ADAMTSL3: variants seen among roughly 807,000 people sequenced by gnomAD.
ADAMTSL3 encodes the protein ADAMTS like 3.
Under a neutral mutation model 201.7 loss-of-function variants are expected in ADAMTSL3, and 128 were observed. The observed-to-expected ratio is 0.63, with a 90% CI of 0.55 to 0.73. ADAMTSL3 has a LOEUF of 0.73. ADAMTSL3 is among the 30% of genes least tolerant of loss of function. The probability of loss-of-function intolerance (pLI) is 0.00; values close to 1 mark genes in which losing one functional copy is unlikely to be tolerated. For synonymous variants in ADAMTSL3, 738 were observed against 748.4 expected (o/e 0.99, Z 0.23); for missense variants, 1,990 against 2,119.6 (o/e 0.94, Z 1.20).
intron 26 of ADAMTSL3, among the ~76,000 whole-genome samples, chr15:84,023,680 TC>T (rs1246266283): frequency 6.6e-6 from 1 of 152,220 alleles, no homozygotes; most frequent in African/African-American, 2.4e-5. Flanking sequence ...CATTGGGAAA[TC>T]TGTCAGCAGT....
chr15:83,957,693 A>G (rs1294311788), intron 19 of ADAMTSL3, among the ~76,000 whole-genome samples: 4 of 152,192 alleles, frequency 2.6e-5, no homozygotes. Context: ...GCATATTCAG[A>G]AAGTGACTTG....
chr15:83,812,023 A>G (rs2063706672), intron 5 of ADAMTSL3, among the ~76,000 whole-genome samples: 1 of 152,154 alleles, frequency 6.6e-6, no homozygotes, highest in African/African-American at 2.4e-5. Flanking sequence ...TGCACAGGAG[A>G]GATTATGCAA....
At chr15:83,664,102 G>A (rs1180782488) in intron 2 of ADAMTSL3, among the ~76,000 whole-genome samples, 1 of 152,090 alleles carries the variant, frequency 6.6e-6, no homozygotes, top group African/African-American at 2.4e-5. Context: ...TGACGATGTC[G>A]TCTCTCAAAT....
intron 2 of ADAMTSL3, among the ~76,000 whole-genome samples, chr15:83,694,998 TA>T (rs1405428982): frequency 1.3e-5 from 2 of 152,056 alleles, no homozygotes; most frequent in Non-Finnish European, 2.9e-5. Context: ...TTGCCAATGC[TA>T]ACTAGGGATG....
intron 2 of ADAMTSL3, among the ~76,000 whole-genome samples, chr15:83,691,076 G>A (rs867709572): frequency 4.6e-5 from 7 of 152,164 alleles, no homozygotes; most frequent in African/African-American, 1.4e-4. Context: ...TCTTTGAGTC[G>A]GTGAAGGGGC....
chr15:84,025,554 C>T, intron 27 of ADAMTSL3, 118 bp downstream of exon 27: 1 of 920,670 alleles, frequency 1.1e-6, no homozygotes, highest in South Asian at 1.7e-5. Flanking sequence ...TCTGACTGGT[C>T]TCTGAAATGA....
intron 2 of ADAMTSL3, among the ~76,000 whole-genome samples, chr15:83,661,135 A>G (rs2061157061): frequency 1.3e-5 from 2 of 150,438 alleles, no homozygotes; most frequent in Non-Finnish European, 3.0e-5. Context: ...TGTTCCATTG[A>G]TCTATATCTC....
chr15:83,780,335 A>G (rs2063147407), intron 4 of ADAMTSL3, among the ~76,000 whole-genome samples: 1 of 150,508 alleles, frequency 6.6e-6, no homozygotes, highest in Admixed American at 6.6e-5. Context: ...ACTTGAATCC[A>G]GGAGGCAGAG....
At chr15:83,918,011 C>A (rs1190116036) in intron 16 of ADAMTSL3, among the ~76,000 whole-genome samples, 1 of 152,092 alleles carries the variant, frequency 6.6e-6, no homozygotes, top group East Asian at 1.9e-4. Flanking sequence ...TTTTAAAAAT[C>A]TGACTAAATT....
At chr15:83,663,139 A>G (rs1157786913) in intron 2 of ADAMTSL3, among the ~76,000 whole-genome samples, 2 of 152,164 alleles carry the variant, frequency 1.3e-5, no homozygotes, top group Non-Finnish European at 2.9e-5. Context: ...CCAGACAGTG[A>G]GAAGACGGAA....
intron 4 of ADAMTSL3, among the ~76,000 whole-genome samples, chr15:83,779,621 C>T (rs1455805349): frequency 6.9e-6 from 1 of 145,646 alleles, no homozygotes; most frequent in East Asian, 2.1e-4. Context: ...TGGTGTGAAC[C>T]TGGGAGGCAG....
intron 3 of ADAMTSL3, among the ~76,000 whole-genome samples, chr15:83,759,531 A>T (rs1399778218): frequency 6.6e-6 from 1 of 152,122 alleles, no homozygotes; most frequent in Non-Finnish European, 1.5e-5. Flanking sequence ...GGCCAGCAGT[A>T]TTTTTTTAAA....
chr15:84,021,722 C>CA, intron 26 of ADAMTSL3, 129 bp downstream of exon 26: 1 of 980,244 alleles, frequency 1.0e-6, no homozygotes, highest in Non-Finnish European at 1.5e-6. Context: ...AGGCATCCTG[C>CA]TAAGTGCTTT....
intron 7 of ADAMTSL3, among the ~76,000 whole-genome samples, chr15:83,855,668 C>T (rs777012284): frequency 1.2e-4 from 19 of 152,196 alleles, no homozygotes. Flanking sequence ...TGCCACAAAG[C>T]TCACTGTTCT....
chr15:83,855,837 T>C (rs1174879034), intron 7 of ADAMTSL3, among the ~76,000 whole-genome samples: 3 of 152,046 alleles, frequency 2.0e-5, no homozygotes, highest in Admixed American at 2.0e-4. Flanking sequence ...TTTGTTCAAA[T>C]TAGTCTCTAC....
In ADAMTSL3 at chr15:83,870,867, C is replaced by T. The variant is rs4144691; in HGVS notation, c.868C>T (p.Leu290Phe). The T allele has an allele frequency of 6.2e-7, 1 of 1,613,054 alleles. No homozygotes were observed. The highest frequency in any genetic ancestry group is 1.3e-5 in the African/African-American group (1 of 74,988). ...CAGCTTTAACAGCCCCGGCGTCTTT[C>T]TCGTAGAAAACACAACAGTGGAATT... ...EHSFNSPGVF[L>F]VENTTVEFQR... Residue 290 changes from leucine (L) to phenylalanine (F), a missense_variant, in exon 9 of 30, where the codon CTC becomes TTC. Leu to Phe is a conservative substitution (Grantham distance 22, BLOSUM62 0). Transcript: ENST00000286744.
At chr15:83,759,345 C>T (rs2062771478) in intron 3 of ADAMTSL3, among the ~76,000 whole-genome samples, 1 of 151,988 alleles carries the variant, frequency 6.6e-6, no homozygotes, top group Admixed American at 6.5e-5. Flanking sequence ...CCTGCCTCAG[C>T]CTCCCGAGTA....
intron 3 of ADAMTSL3, among the ~76,000 whole-genome samples, chr15:83,724,750 G>A (rs1039673244): frequency 6.6e-6 from 1 of 151,924 alleles, no homozygotes; most frequent in African/African-American, 2.4e-5. Context: ...ATCCCCATGA[G>A]TTCAAATGTT....
At chr15:83,855,867 C>T (rs965314258) in intron 7 of ADAMTSL3, among the ~76,000 whole-genome samples, 1 of 151,884 alleles carries the variant, frequency 6.6e-6, no homozygotes, top group African/African-American at 2.4e-5. Flanking sequence ...AAAAATTAGC[C>T]AGGCATGCTG....
Sources: gnomAD v4.1 joint callset for allele counts (sites outside exome capture counted in the v4.1 genomes callset) on GRCh38, gnomAD v4.1.1 for gene constraint, MANE v1.5 for transcripts, NCBI Gene and HGNC (gene_info 2026-07-23, HGNC 2026-07-21) for gene names.